The following SPAG6 variants were observed in gnomAD, a reference collection of about 807,000 sequenced individuals.
SPAG6 encodes sperm associated antigen 6.
SPAG6 carries 49 observed loss-of-function variants against 58.5 expected under a neutral mutation model. The observed-to-expected ratio is 0.84, with a 90% CI of 0.67 to 1.06. The LOEUF (loss-of-function observed/expected upper bound fraction) is 1.06, where lower values mean the gene tolerates loss of function less well. Among genes scored for constraint, SPAG6 ranks in the 50% least tolerant of loss-of-function variants. The pLI is 0.00. For synonymous variants in SPAG6, 233 were observed against 225.6 expected (o/e 1.03, Z -0.29); for missense variants, 560 against 611.3 (o/e 0.92, Z 0.89).
intron 4 of SPAG6, among the ~76,000 whole-genome samples, chr10:22,370,226 A>G (rs959665425): frequency 5.3e-5 from 8 of 152,188 alleles, no homozygotes; most frequent in African/African-American, 1.9e-4. Context: ...AAAATTAAGG[A>G]ATTTTTTCTT....
chr10:22,378,063 TTTTTTTTTTTTTC>T (rs1483580667), intron 4 of SPAG6, among the ~76,000 whole-genome samples: 7 of 145,990 alleles, frequency 4.8e-5, no homozygotes, highest in Admixed American at 4.7e-4. Flanking sequence ...TTCTTTTTTT[TTTTTTTTTTTTTC>T]TTTTTGAGAC....
At chr10:22,395,360 T>A (rs1425703723) in intron 8 of SPAG6, among the ~76,000 whole-genome samples, 2 of 152,220 alleles carry the variant, frequency 1.3e-5, no homozygotes, top group Non-Finnish European at 2.9e-5. Flanking sequence ...GTATGATGGT[T>A]CCACTTTTTC....
chr10:22,371,214 C>T (rs1324862673), intron 4 of SPAG6, among the ~76,000 whole-genome samples: 2 of 152,198 alleles, frequency 1.3e-5, no homozygotes. Context: ...TTATCACTCA[C>T]ATCCATATCA....
chr10:22,375,227 C>G (rs1342830410), intron 4 of SPAG6, among the ~76,000 whole-genome samples: 1 of 152,140 alleles, frequency 6.6e-6, no homozygotes, highest in Non-Finnish European at 1.5e-5. Flanking sequence ...GGGAGGAGCC[C>G]ACTTTTATTT....
chr10:22,351,401 T>C (rs1290800651), intron 2 of SPAG6, among the ~76,000 whole-genome samples: 3 of 152,186 alleles, frequency 2.0e-5, no homozygotes, highest in African/African-American at 7.2e-5. Context: ...GAGGTAGTCC[T>C]GCAGAGACTA....
chr10:22,403,487 C>G (rs1806807667), intron 9 of SPAG6, among the ~76,000 whole-genome samples: 1 of 152,194 alleles, frequency 6.6e-6, no homozygotes, highest in African/African-American at 2.4e-5. Flanking sequence ...TGGCTTCATA[C>G]TATTCCATGG....
At chr10:22,368,806 G>A (rs558612518) in intron 4 of SPAG6, 128 bp downstream of exon 4, 49 of 640,688 alleles carry the variant, frequency 7.6e-5, no homozygotes, top group Middle Eastern at 8.9e-4. Flanking sequence ...GTGATGAGAA[G>A]TACGTTTTGA....
chr10:22,355,654 A>G (rs1321610830), intron 2 of SPAG6, among the ~76,000 whole-genome samples: 3 of 152,222 alleles, frequency 2.0e-5, no homozygotes, highest in African/African-American at 7.2e-5. Context: ...GTTATAAGGG[A>G]TAACACCCTA....
At chr10:22,402,643 A>G (rs999315325) in intron 9 of SPAG6, among the ~76,000 whole-genome samples, 2 of 152,222 alleles carry the variant, frequency 1.3e-5, no homozygotes, top group Non-Finnish European at 2.9e-5. Context: ...TCCTCCTTCC[A>G]ATAAAATAAA....
rs1475005224 is a variant in SPAG6 at position 22,413,695 on chromosome 10, AT to A, written c.1460+2520del. Among the ~76,000 whole-genome samples the A allele has an allele frequency of 6.0e-5, 9 of 150,136 alleles. No individual in the cohort carries two copies. The East Asian group carries it at 1.7e-3, about 29-fold the overall frequency. On this transcript the variant is annotated intron_variant, in intron 10 of 10. Transcript: ENST00000376624. ...TAATGTTTTCAAATTTCTGATATAT[AT>A]ATATATATATATTTCACCCACACAG...
At chr10:22,387,271 A>T (rs1416311628) in intron 5 of SPAG6, among the ~76,000 whole-genome samples, 1 of 152,188 alleles carries the variant, frequency 6.6e-6, no homozygotes, top group Non-Finnish European at 1.5e-5. Context: ...ACCCACCACT[A>T]TAATATTGTT....
chr10:22,345,855 C>T lies in SPAG6; in HGVS notation c.121+37C>T. The T allele has an allele frequency of 6.3e-7, 1 of 1,596,906 alleles. No homozygotes were observed. Among genetic ancestry groups the T allele is most frequent in the South Asian group, 1.1e-5 (1 of 88,848 alleles). On this transcript the variant is annotated intron_variant, in intron 2 of 10. Coordinates refer to ENST00000376624, the MANE Select transcript of SPAG6 (RefSeq NM_012443.4). The surrounding 1 kb of genome is among the most constrained non-coding windows in gnomAD (Gnocchi z 6.3). ...GCCCGAACCCCCGTCGCCCCCCGCG[C>T]ACTGAGTCCCCGACGCCTCCGCCCC...
chr10:22,346,478 C>CTTCTTCTTG (rs1836546166), intron 2 of SPAG6, among the ~76,000 whole-genome samples: 1 of 141,496 alleles, frequency 7.1e-6, no homozygotes, highest in Admixed American at 6.8e-5. Context: ...TCTTCTTCTT[C>CTTCTTCTTG]TTCTTCTTCT....
intron 2 of SPAG6, among the ~76,000 whole-genome samples, chr10:22,354,535 C>T (rs903908570): frequency 6.6e-6 from 1 of 152,198 alleles, no homozygotes; most frequent in Non-Finnish European, 1.5e-5. Flanking sequence ...GTGGAACTAA[C>T]ATGTTAATTT....
chr10:22,416,044 C>A (rs1267569047), intron 10 of SPAG6, among the ~76,000 whole-genome samples: 1 of 151,902 alleles, frequency 6.6e-6, no homozygotes, highest in Admixed American at 6.6e-5. Context: ...TGATTAATTT[C>A]CTAGGTTTCT....
chr10:22,398,791 A>G (rs1834348997), intron 8 of SPAG6, among the ~76,000 whole-genome samples: 2 of 152,078 alleles, frequency 1.3e-5, no homozygotes, highest in Admixed American at 1.3e-4. Flanking sequence ...TGGAGAAAAT[A>G]TTTGCAATTC....
chr10:22,346,762 G>A (rs766926503), intron 2 of SPAG6, among the ~76,000 whole-genome samples: 6 of 151,972 alleles, frequency 3.9e-5, no homozygotes, highest in Non-Finnish European at 8.8e-5. Flanking sequence ...GTGATACTTC[G>A]TTTTGTCACT....
chr10:22,410,126 C>A (rs1834692368), intron 9 of SPAG6, among the ~76,000 whole-genome samples: 1 of 152,084 alleles, frequency 6.6e-6, no homozygotes, highest in South Asian at 2.1e-4. Context: ...TTTAAGAAAC[C>A]TTCTCTTGGA....
At chr10:22,406,101 T>C (rs1374868175) in intron 9 of SPAG6, among the ~76,000 whole-genome samples, 5 of 152,340 alleles carry the variant, frequency 3.3e-5, no homozygotes, top group Non-Finnish European at 7.3e-5. Context: ...CCTGGATTCG[T>C]TAATTTTTTG....
Sources: gnomAD v4.1 joint callset for allele counts (sites outside exome capture counted in the v4.1 genomes callset) on GRCh38, gnomAD v4.1.1 for gene constraint, Gnocchi (gnomAD v3.1) non-coding constraint, MANE v1.5 for transcripts, NCBI Gene and HGNC (gene_info 2026-07-23, HGNC 2026-07-21) for gene names.